MEF2D: variants seen among roughly 807,000 people sequenced by gnomAD.
MEF2D encodes the protein myocyte-specific enhancer factor 2D.
Under a neutral mutation model 59.3 loss-of-function variants are expected in MEF2D, and 10 were observed. That is an observed-to-expected ratio of 0.17 (90% confidence interval 0.10 to 0.29). The LOEUF (loss-of-function observed/expected upper bound fraction) is 0.29. Ranked by LOEUF, MEF2D falls within the 10% of genes least tolerant of loss-of-function variation. The probability of loss-of-function intolerance (pLI) is 1.00; values close to 1 mark genes in which losing one functional copy is unlikely to be tolerated. For synonymous variants in MEF2D, 305 were observed against 295.0 expected (o/e 1.03, Z -0.35); for missense variants, 508 against 699.4 (o/e 0.73, Z 3.09).
chr1:156,479,575 A>G lies in MEF2D; in HGVS notation c.607+11T>C. On this transcript the variant is annotated intron_variant, in intron 5 of 11. Transcript: ENST00000348159. Reference sequence around the variant, plus strand: ...TTTCCACCTCACCTACCCACCTGCCAGCCCACTCACCCGCACTAGCTGGCC... The same window carrying G: ...TTTCCACCTCACCTACCCACCTGCCGGCCCACTCACCCGCACTAGCTGGCC... 6.5e-6 allele frequency: 10 copies of G among 1,550,092 alleles called. No homozygotes were observed. The highest frequency in any genetic ancestry group is 8.7e-6 in the Non-Finnish European group (10 of 1,146,932).
intron 4 of MEF2D, among the ~76,000 whole-genome samples, chr1:156,480,302 G>A (rs1249638014): frequency 6.6e-6 from 1 of 152,132 alleles, no homozygotes; most frequent in Non-Finnish European, 1.5e-5. Context: ...AAGGCTGAGT[G>A]TCTCTGGTTG....
rs528899290 is a variant in MEF2D at position 156,470,290 on chromosome 1, G to A, written c.1007-1270C>T. On this transcript the variant is annotated intron_variant, in intron 9 of 11. Transcript: ENST00000348159. ...CAAAAAATTAGCCAGGCGGTGGCGC[G>A]CACCTGTAATCCCAGCTACTAGGGA... Among the ~76,000 whole-genome samples, 58 of 151,762 alleles carry A rather than the reference G, an allele frequency of 3.8e-4. No individual in the cohort carries two copies. The South Asian group carries it at 8.6e-3, about 22-fold the overall frequency.
intron 1 of MEF2D, among the ~76,000 whole-genome samples, chr1:156,490,234 G>A (rs1382419927): frequency 1.3e-5 from 2 of 151,856 alleles, no homozygotes; most frequent in Non-Finnish European, 2.9e-5. Context: ...GGCCCCTCTC[G>A]GGTCTCCTTC....
chr1:156,476,642 A>C, intron 7 of MEF2D, 128 bp from the exon 8 acceptor site: 2 of 1,138,874 alleles, frequency 1.8e-6, no homozygotes, highest in South Asian at 2.7e-5. Context: ...CAGCCTACAA[A>C]GGCAGAGCTC....
At position 156,467,605 on chromosome 1, in the gene MEF2D, C is replaced by A; in HGVS notation, c.*40G>T. The A allele has an allele frequency of 7.6e-7, 1 of 1,316,702 alleles. No individual in the cohort carries two copies. The highest frequency in any genetic ancestry group is 9.8e-7 in the Non-Finnish European group (1 of 1,023,504). The allele number at this position is 1,316,702 out of a possible 1,614,324, so 81.6% of individuals were successfully genotyped here. A position where few individuals can be genotyped will look rare whatever the true frequency, so the allele number is the denominator to read the frequency against. On this transcript the variant is annotated 3_prime_UTR_variant, in exon 12 of 12. Coordinates refer to ENST00000348159, the MANE Select transcript of MEF2D (RefSeq NM_005920.4). ...GAAGGGCGGGCGGTGAGATTGTCAA[C>A]TCTTCATCAGGGAGGCTGAGAGGAG...
Position 156,477,053 on chromosome 1 carries a change from C to T in MEF2D, c.814G>A (p.Val272Ile). The change falls in exon 7 of 12, where the codon GTC becomes ATC. Residue 272 changes from valine (V) to isoleucine (I), a missense_variant. Physicochemically the swap from Val to Ile is conservative, Grantham distance 29. Transcript: ENST00000348159. ...GAPSRKPDLR[V>I]ITSQAGKGLM... ...CCCTTTCCTGCCTGGGAAGTGATGA[C>T]TCGCAGGTCGGGCTTGCGGCTGGGG... 6.2e-7 allele frequency: 1 copy of T among 1,613,952 alleles called. No homozygotes were observed. Among genetic ancestry groups the T allele is most frequent in the Non-Finnish European group, 8.5e-7 (1 of 1,179,868 alleles).
At position 156,468,050 on chromosome 1, in the gene MEF2D, T is replaced by G. The variant is rs571079274; in HGVS notation, c.1497A>C (p.Pro499=). Residue 499 remains proline (P), a synonymous_variant, in exon 11 of 12, where the codon CCA becomes CCC. Transcript: ENST00000348159. The surrounding 1 kb of genome is among the most constrained non-coding windows in gnomAD (Gnocchi z 4.3). The stretch of plus-strand genomic sequence containing the variant: ...AGCCCTCAGCCTCAGGCTCTGGGGC[T>G]GGGCGCAGCAGGCCCAGTGTGGGCC... The part of the protein sequence containing the change: ...DFGPTLGLLR[P]APEPEAEGSA... The G allele has an allele frequency of 1.2e-6, 2 of 1,614,046 alleles. No homozygotes were observed. The highest frequency in any genetic ancestry group is 2.7e-5 in the African/African-American group (2 of 75,042).
At chr1:156,486,561 C>T (rs1204204326) in intron 1 of MEF2D, among the ~76,000 whole-genome samples, 1 of 152,224 alleles carries the variant, frequency 6.6e-6, no homozygotes, top group African/African-American at 2.4e-5. Context: ...TAACCGAATT[C>T]TTGCAGAGAT....
intron 9 of MEF2D, among the ~76,000 whole-genome samples, chr1:156,469,920 T>C (rs1397052501): frequency 6.6e-6 from 1 of 151,988 alleles, no homozygotes; most frequent in African/African-American, 2.4e-5. Context: ...TTCATAACAA[T>C]TTAAAAAAAT....
At chr1:156,491,380 G>C (rs975315688) in intron 1 of MEF2D, among the ~76,000 whole-genome samples, 1 of 152,222 alleles carries the variant, frequency 6.6e-6, no homozygotes, top group Non-Finnish European at 1.5e-5. Flanking sequence ...AATTGTGTAA[G>C]TCACGGAGAG....
At chr1:156,499,235 G>A (rs997478666) in intron 1 of MEF2D, among the ~76,000 whole-genome samples, 2 of 152,168 alleles carry the variant, frequency 1.3e-5, no homozygotes, top group African/African-American at 2.4e-5. Flanking sequence ...CCACTGAAGG[G>A]ATAGGAGGAG....
In MEF2D at chr1:156,477,173, G is replaced by C. The variant is rs770299887; in HGVS notation, c.694C>G (p.Pro232Ala). The change falls in exon 7 of 12, where the codon CCT becomes GCT. Residue 232 changes from proline to alanine, a missense_variant. This residue lies in a region of MEF2D where 481 missense variants were observed against 584.7 expected (regional missense o/e 0.82). Transcript: ENST00000348159. ...GNGYVSARAS[P>A]GLLPVANGNS... The stretch of plus-strand genomic sequence containing the variant: ...CCATTGGCCACAGGGAGGAGGCCAG[G>C]GGAAGCCCGAGCACTGACGTAGCCA... 1 of 1,611,738 alleles carries C rather than the reference G, an allele frequency of 6.2e-7. No individual in the cohort carries two copies. The highest frequency in any genetic ancestry group is 8.5e-7 in the Non-Finnish European group (1 of 1,178,580).
At chr1:156,480,771 G>A in intron 4 of MEF2D, 63 bp downstream of exon 4, 1 of 1,606,146 alleles carries the variant, frequency 6.2e-7, no homozygotes, top group East Asian at 2.2e-5. Flanking sequence ...TGCTTCTTGT[G>A]CAGCGCCTGG....
At position 156,469,908 on chromosome 1, in the gene MEF2D, C is replaced by A. The variant is rs147532803; in HGVS notation, c.1007-888G>T. Reference sequence around the variant, plus strand: ...AAAAAAAAATCATGTGTAGGTATCACTTTCATAACAATTTAAAAAAATAAA... The same window carrying A: ...AAAAAAAAATCATGTGTAGGTATCAATTTCATAACAATTTAAAAAAATAAA... On this transcript the variant is annotated intron_variant, in intron 9 of 11. Coordinates refer to ENST00000348159, the MANE Select transcript of MEF2D (RefSeq NM_005920.4). Among the ~76,000 whole-genome samples, 80 of 152,052 alleles carry A rather than the reference C, an allele frequency of 5.3e-4. 1 individual carries two copies. In the East Asian group the frequency reaches 0.012, roughly 23 times the overall value.
chr1:156,498,555 G>C (rs1673280989), intron 1 of MEF2D, among the ~76,000 whole-genome samples: 1 of 151,856 alleles, frequency 6.6e-6, no homozygotes, highest in South Asian at 2.1e-4. Flanking sequence ...TCAACCTTTT[G>C]GGTCCCTACA....
chr1:156,464,709 C>T lies in MEF2D; in HGVS notation c.*2936G>A, dbSNP rs1043962707. On this transcript the variant is annotated 3_prime_UTR_variant, in exon 12 of 12. Transcript: ENST00000348159. The stretch of plus-strand genomic sequence containing the variant: ...CGGATACTGAACTGCAGAAATGTCA[C>T]ATATTCACAGACCACCCCATCCCCA... 3 of 152,208 alleles carry T rather than the reference C, an allele frequency of 2.0e-5. No individual in the cohort carries two copies. Among genetic ancestry groups the T allele is most frequent in the African/African-American group, 7.2e-5 (3 of 41,430 alleles). The allele number at this position is 152,208 out of a possible 1,614,324, so 9.4% of individuals were successfully genotyped here. A position where few individuals can be genotyped will look rare whatever the true frequency, so the allele number is the denominator to read the frequency against.
At chr1:156,481,071 G>C in intron 3 of MEF2D, 100 bp from the exon 4 acceptor site, 1 of 1,535,544 alleles carries the variant, frequency 6.5e-7, no homozygotes, top group Non-Finnish European at 8.8e-7. Context: ...ACTCTTCCCC[G>C]ACCTCCTTCT....
intron 1 of MEF2D, among the ~76,000 whole-genome samples, chr1:156,486,405 G>A (rs1415334093): frequency 6.6e-6 from 1 of 152,210 alleles, no homozygotes; most frequent in Non-Finnish European, 1.5e-5. Flanking sequence ...GCTACAAATA[G>A]TTGGCTTTTT....
intron 1 of MEF2D, among the ~76,000 whole-genome samples, chr1:156,493,537 A>C (rs1230902792): frequency 1.3e-5 from 2 of 150,668 alleles, no homozygotes; most frequent in Non-Finnish European, 3.0e-5. Flanking sequence ...AGGTGAGGCT[A>C]AGATGCCCAG....
Sources: allele counts gnomAD v4.1 joint callset (sites outside exome capture counted in the v4.1 genomes callset), GRCh38; gene constraint gnomAD v4.1.1; regional missense constraint gnomAD v4.1.1; non-coding constraint Gnocchi (gnomAD v3.1); transcripts MANE v1.5; gene names NCBI Gene and HGNC (gene_info 2026-07-23, HGNC 2026-07-21).